SP140: variants seen among roughly 807,000 people sequenced by gnomAD.
SP140 encodes nuclear body protein SP140.
A neutral mutation model predicts 125.0 loss-of-function variants in SP140; 81 were observed. That is an observed-to-expected ratio of 0.65 (90% CI 0.54 to 0.78). The LOEUF is 0.78. Ranked by LOEUF, SP140 falls within the 30% of genes least tolerant of loss-of-function variation. The pLI is 0.00. For missense variants in SP140, 858 were observed against 1,037.0 expected (o/e 0.83, Z 2.37); for synonymous variants, 312 against 354.0 (o/e 0.88, Z 1.33).
chr2:230,297,117 G>A (rs1021652149), intron 21 of SP140, among the ~76,000 whole-genome samples: 6 of 152,178 alleles, frequency 3.9e-5, no homozygotes, highest in Admixed American at 1.3e-4. Flanking sequence ...GGCCAACACA[G>A]GAGTAAGACA....
the SP140 span, among the ~76,000 whole-genome samples, chr2:230,195,435 A>G: frequency 7.2e-4 from 109 of 152,228 alleles, no homozygotes; most frequent in African/African-American, 2.5e-3. Flanking sequence ...CCTGGGTCCA[A>G]GTGATTATCG....
chr2:230,192,578 G>A, the SP140 span, among the ~76,000 whole-genome samples: 1 of 152,086 alleles, frequency 6.6e-6, no homozygotes, highest in Non-Finnish European at 1.5e-5. Flanking sequence ...AGCTAACAGA[G>A]GATGGGAAGG....
At chr2:230,191,763 C>T in the SP140 span, among the ~76,000 whole-genome samples, 1 of 152,078 alleles carries the variant, frequency 6.6e-6, no homozygotes, top group Admixed American at 6.6e-5. Context: ...AAGGAGGGAA[C>T]TCCTCCTTAA....
chr2:230,245,135 T>C, intron 6 of SP140, 55 bp downstream of exon 6: 2 of 1,151,150 alleles, frequency 1.7e-6, no homozygotes, highest in South Asian at 1.3e-5. Flanking sequence ...CCTATCTCTA[T>C]GCAACCAACA....
chr2:230,231,328 T>C (rs907983689), intron 1 of SP140, among the ~76,000 whole-genome samples: 2 of 152,252 alleles, frequency 1.3e-5, no homozygotes. Context: ...TAATTTTTTT[T>C]TTAAGTCAGA....
chr2:230,300,874 G>A (rs897510923), intron 22 of SP140, among the ~76,000 whole-genome samples: 2 of 152,160 alleles, frequency 1.3e-5, no homozygotes, highest in African/African-American at 4.8e-5. Flanking sequence ...AGATAAAGGT[G>A]TAAACCAACT....
upstream of SP140, among the ~76,000 whole-genome samples, chr2:230,222,840 G>GTT (rs35018428): frequency 5.7e-4 from 74 of 128,892 alleles, no homozygotes; most frequent in South Asian, 1.6e-3. Flanking sequence ...GTGTATTAAA[G>GTT]TTTTTTTTTT....
intron 6 of SP140, 60 bp downstream of exon 6, chr2:230,245,140 C>T (rs981601150): frequency 9.2e-7 from 1 of 1,081,706 alleles, no homozygotes; most frequent in African/African-American, 1.5e-5. Flanking sequence ...CTCTATGCAA[C>T]CAACACTTCC....
Position 230,255,470 on chromosome 2 carries a change from C to T in SP140, c.1178C>T (p.Ser393Leu), listed in dbSNP as rs769003293. The stretch of plus-strand genomic sequence containing the variant: ...TCTGCAGAGGGCAGTGATGACTGTT[C>T]GGAAATGTGTGATGGAGAAGAGCGC... ...GEGEEGSDDC[S>L]EMCDGEERQE... The change falls in exon 12 of 27, where the codon TCG becomes TTG. Residue 393 changes from serine to leucine, a missense_variant. Ser to Leu is a moderately radical substitution (Grantham distance 145). This residue lies in a region of SP140 where 791 missense variants were observed against 869.5 expected (regional missense o/e 0.91). Transcript: ENST00000392045. 27 of 1,613,602 alleles carry T rather than the reference C, an allele frequency of 1.7e-5. No individual in the cohort carries two copies. The highest frequency in any genetic ancestry group is 3.3e-5 in the South Asian group (3 of 91,070).
rs527774709 is a variant in SP140 at position 230,285,416 on chromosome 2, GA to G, written c.1565-328del. On this transcript the variant is annotated intron_variant, in intron 16 of 26. Coordinates refer to ENST00000392045, the MANE Select transcript of SP140 (RefSeq NM_007237.5). ...TGGATGTGACAGCTTTGTTTGGAAA[GA>G]AAAAAAAGTGGCTGCGTGCATTTTA... Among the ~76,000 whole-genome samples, 63 of 152,038 alleles carry G rather than the reference GA, an allele frequency of 4.1e-4. 1 individual carries two copies. The highest frequency in any genetic ancestry group is 1.3e-3 in the African/African-American group (56 of 41,492).
chr2:230,309,104 G>A (rs891471286), intron 22 of SP140, among the ~76,000 whole-genome samples: 1 of 152,170 alleles, frequency 6.6e-6, no homozygotes, highest in African/African-American at 2.4e-5. Flanking sequence ...GGCTAAAGGT[G>A]TCACATATTG....
At chr2:230,302,398 A>G (rs979963773) in intron 22 of SP140, among the ~76,000 whole-genome samples, 2 of 152,156 alleles carry the variant, frequency 1.3e-5, no homozygotes, top group South Asian at 4.1e-4. Context: ...CATCTCAGAA[A>G]CAAAAACAAA....
the SP140 span, among the ~76,000 whole-genome samples, chr2:230,190,092 T>C: frequency 6.6e-6 from 1 of 152,224 alleles, no homozygotes; most frequent in Non-Finnish European, 1.5e-5. Context: ...CTGTGTCAAA[T>C]GGTATTTCTG....
upstream of SP140, chr2:230,202,583 T>G: frequency 6.2e-7 from 1 of 1,614,198 alleles, no homozygotes; most frequent in Non-Finnish European, 8.5e-7. Context: ...CCTTACCCTC[T>G]GATCTCGACT....
chr2:230,270,735 T>C (rs1012332088), intron 15 of SP140, 96 bp downstream of exon 15: 8 of 1,178,774 alleles, frequency 6.8e-6, no homozygotes, highest in South Asian at 5.1e-5. Flanking sequence ...TCTGTTATTA[T>C]TTGTAATACT....
At chr2:230,294,240 G>A (rs2057440784) in intron 20 of SP140, 31 bp from the exon 21 acceptor site, 2 of 1,597,794 alleles carry the variant, frequency 1.3e-6, no homozygotes, top group Admixed American at 1.7e-5. Flanking sequence ...AACACAGGCT[G>A]ACCATATACC....
intron 12 of SP140, among the ~76,000 whole-genome samples, chr2:230,267,147 C>T (rs1323437567): frequency 1.3e-5 from 2 of 152,118 alleles, no homozygotes; most frequent in East Asian, 3.9e-4. Flanking sequence ...CAAAGCTGAA[C>T]ATAAATATAT....
At chr2:230,266,871 A>T (rs181763584) in intron 12 of SP140, among the ~76,000 whole-genome samples, 3 of 152,296 alleles carry the variant, frequency 2.0e-5, no homozygotes, top group Admixed American at 2.0e-4. Flanking sequence ...GGCTAGAGAA[A>T]ACTCCCTGCT....
intron 10 of SP140, among the ~76,000 whole-genome samples, chr2:230,251,607 C>T (rs2050377530): frequency 6.6e-6 from 1 of 152,188 alleles, no homozygotes; most frequent in Admixed American, 6.5e-5. Context: ...CTTATCATCC[C>T]TCTGCTGGTA....
Sources: gnomAD v4.1 joint callset for allele counts (sites outside exome capture counted in the v4.1 genomes callset) on GRCh38, gnomAD v4.1.1 for gene constraint, gnomAD v4.1.1 regional missense constraint, MANE v1.5 for transcripts, NCBI Gene and HGNC (gene_info 2026-07-23, HGNC 2026-07-21) for gene names.